MVB12B: variants seen among roughly 807,000 people sequenced by gnomAD.
The protein encoded by MVB12B is multivesicular body subunit 12B, also known as ESCRT-I complex subunit MVB12B.
MVB12B carries 16 observed loss-of-function variants against 41.6 expected under a neutral mutation model. The observed-to-expected ratio is 0.38, with a 90% CI of 0.26 to 0.58. MVB12B has a LOEUF of 0.58. MVB12B is among the 20% of genes least tolerant of loss of function. The pLI is 0.62. For missense variants in MVB12B, 274 were observed against 380.2 expected (o/e 0.72, Z 2.32); for synonymous variants, 133 against 139.7 (o/e 0.95, Z 0.34).
chr9:126,425,594 G>T (rs998675483), intron 7 of MVB12B, among the ~76,000 whole-genome samples: 6 of 152,126 alleles, frequency 3.9e-5, no homozygotes, highest in Admixed American at 2.0e-4. Flanking sequence ...TTTTCTTATT[G>T]TCCCTTTTAG....
At position 126,436,357 on chromosome 9, in the gene MVB12B, C is replaced by A. The variant is rs1832479637; in HGVS notation, c.757+14409C>A. Among the ~76,000 whole-genome samples the A allele has an allele frequency of 6.6e-6, 1 of 152,198 alleles. No homozygotes were observed. Among genetic ancestry groups the A allele is most frequent in the South Asian group, 2.1e-4 (1 of 4,834 alleles). ...TTTTAATTGGATTGGGAAAAAGAACCTACAAGTTATGAACTTTGCAGAGCA... is the reference window on the plus strand; with the variant it reads ...TTTTAATTGGATTGGGAAAAAGAACATACAAGTTATGAACTTTGCAGAGCA... On this transcript the variant is annotated intron_variant, in intron 7 of 9. Coordinates refer to ENST00000361171, the MANE Select transcript of MVB12B (RefSeq NM_033446.3). The surrounding 1 kb of genome is among the most constrained non-coding windows in gnomAD (Gnocchi z 4.1).
chr9:126,327,844 G>A (rs773766325), intron 1 of MVB12B, among the ~76,000 whole-genome samples: 1 of 152,154 alleles, frequency 6.6e-6, no homozygotes, highest in Non-Finnish European at 1.5e-5. Flanking sequence ...CCACAGGAGG[G>A]CAAAAGGCAA....
rs700120 is a variant in MVB12B, at chr9:126,333,096, T to G, written c.81+6086T>G. ...GATGTGACCCTGGTGTTTTGTTTTG[T>G]TTTTTTTTGAGACAGACTCTCACTC... On this transcript the variant is annotated intron_variant, in intron 1 of 9. Coordinates refer to ENST00000361171, the MANE Select transcript of MVB12B (RefSeq NM_033446.3). The surrounding 1 kb of genome is among the most constrained non-coding windows in gnomAD (Gnocchi z 4.7). Among the ~76,000 whole-genome samples the G allele has an allele frequency of 0.82, 125,040 of 151,998 alleles. 51,860 individuals are homozygous for G. The highest frequency in any genetic ancestry group is 0.91 in the South Asian group (4,374 of 4,810).
rs1041804933 is a variant in MVB12B at position 126,503,544 on chromosome 9, C to T, written c.*281C>T. The T allele has an allele frequency of 1.2e-5, 6 of 485,966 alleles. No homozygotes were observed. The highest frequency in any genetic ancestry group is 2.2e-5 in the Non-Finnish European group (6 of 273,010). The allele number at this position is 485,966 out of a possible 1,614,324, so 30.1% of individuals were successfully genotyped here. On this transcript the variant is annotated 3_prime_UTR_variant, in exon 10 of 10. Coordinates refer to ENST00000361171, the MANE Select transcript of MVB12B (RefSeq NM_033446.3). The stretch of plus-strand genomic sequence containing the variant: ...TGTCTGTGTGATGACCAGTTGTCCT[C>T]CAAAAACCTCACTCACCACGGAGTC...
intron 5 of MVB12B, among the ~76,000 whole-genome samples, chr9:126,394,112 T>G (rs1831036644): frequency 6.6e-6 from 1 of 152,224 alleles, no homozygotes; most frequent in African/African-American, 2.4e-5. Context: ...ATTCCCTTCC[T>G]ACACACTCAA....
chr9:126,440,859 G>A (rs1832617970), intron 7 of MVB12B, among the ~76,000 whole-genome samples: 1 of 152,226 alleles, frequency 6.6e-6, no homozygotes, highest in African/African-American at 2.4e-5. Flanking sequence ...GCCCGTGCAT[G>A]CACAATAAGT....
chr9:126,423,851 GCCTAT>G (rs1196437906), intron 7 of MVB12B, among the ~76,000 whole-genome samples: 1 of 152,212 alleles, frequency 6.6e-6, no homozygotes, highest in Non-Finnish European at 1.5e-5. Context: ...GCACTGAGTG[GCCTAT>G]CTCAGTTTGG....
At chr9:126,429,419 G>T (rs186710676) in intron 7 of MVB12B, among the ~76,000 whole-genome samples, 1 of 152,284 alleles carries the variant, frequency 6.6e-6, no homozygotes, top group African/African-American at 2.4e-5. Flanking sequence ...CACGCACACT[G>T]CCTTGTTTCG....
chr9:126,399,028 A>G (rs1021808562), intron 6 of MVB12B, among the ~76,000 whole-genome samples: 6 of 152,226 alleles, frequency 3.9e-5, no homozygotes, highest in Non-Finnish European at 8.8e-5. Context: ...TGCCTCTAGA[A>G]GCAGGAGCTT....
At chr9:126,482,599 T>TG (rs1268213443) in intron 8 of MVB12B, among the ~76,000 whole-genome samples, 1 of 152,196 alleles carries the variant, frequency 6.6e-6, no homozygotes, top group African/African-American at 2.4e-5. Context: ...GAGAATTTAG[T>TG]GGGGTGGTTA....
chr9:126,381,951 A>G (rs2118965560), intron 3 of MVB12B, among the ~76,000 whole-genome samples: 1 of 152,072 alleles, frequency 6.6e-6, no homozygotes, highest in East Asian at 1.9e-4. Context: ...CCCAGCCCCA[A>G]ACAGGGAGCA....
rs565714340 is a variant in MVB12B at position 126,398,833 on chromosome 9, CA to C, written c.662+3137del. ...CTGTATTCCTCTCCAAAGCCAAAAC[CA>C]TGTGCTCCGCCTCCATTTCTTGTGT... On this transcript the variant is annotated intron_variant, in intron 6 of 9. Transcript: ENST00000361171. Among the ~76,000 whole-genome samples, 14 of 151,832 alleles carry C rather than the reference CA, an allele frequency of 9.2e-5. No individual in the cohort carries two copies. The East Asian group carries it at 2.5e-3, about 27-fold the overall frequency.
At chr9:126,445,065 C>G (rs1358734440) in intron 7 of MVB12B, among the ~76,000 whole-genome samples, 1 of 152,034 alleles carries the variant, frequency 6.6e-6, no homozygotes, top group African/African-American at 2.4e-5. Context: ...AATTTAGAAT[C>G]ACTTTAAGTT....
intron 7 of MVB12B, among the ~76,000 whole-genome samples, chr9:126,472,976 A>T (rs1453277238): frequency 6.6e-6 from 1 of 152,202 alleles, no homozygotes; most frequent in Admixed American, 6.5e-5. Flanking sequence ...AAAAAAATTT[A>T]AAAACAAGAA....
intron 1 of MVB12B, among the ~76,000 whole-genome samples, chr9:126,332,693 C>G (rs1829163109): frequency 6.6e-6 from 1 of 151,126 alleles, no homozygotes; most frequent in Admixed American, 6.6e-5. Flanking sequence ...TGTGCCCCTG[C>G]CCCTTTATGT....
At chr9:126,388,691 T>C (rs1830866310) in intron 4 of MVB12B, among the ~76,000 whole-genome samples, 1 of 152,208 alleles carries the variant, frequency 6.6e-6, no homozygotes, top group Non-Finnish European at 1.5e-5. Flanking sequence ...TCACCAGCAA[T>C]TTGTTATTGT....
chr9:126,346,155 A>G (rs1479404970), intron 2 of MVB12B, among the ~76,000 whole-genome samples: 1 of 152,162 alleles, frequency 6.6e-6, no homozygotes, highest in East Asian at 1.9e-4. Flanking sequence ...TCCCAAGATC[A>G]CTTGGTTGGC....
chr9:126,396,177 TGAG>T (rs1246001053), intron 6 of MVB12B: 2 of 986,838 alleles, frequency 2.0e-6, no homozygotes, highest in East Asian at 1.1e-4. Flanking sequence ...GAGAGAATAG[TGAG>T]GAGTTTTTCA....
intron 2 of MVB12B, among the ~76,000 whole-genome samples, chr9:126,357,975 G>A (rs1829927047): frequency 1.3e-5 from 2 of 152,076 alleles, no homozygotes; most frequent in Admixed American, 1.3e-4. Context: ...GATCAATGAT[G>A]TATTTCAAGT....
Sources: gnomAD v4.1 joint callset for allele counts (sites outside exome capture counted in the v4.1 genomes callset) on GRCh38, gnomAD v4.1.1 for gene constraint, Gnocchi (gnomAD v3.1) non-coding constraint, MANE v1.5 for transcripts, NCBI Gene and HGNC (gene_info 2026-07-23, HGNC 2026-07-21) for gene names.